CDK5RAP2: variants seen among roughly 807,000 people sequenced by gnomAD.
CDK5RAP2 encodes CDK5 regulatory subunit-associated protein 2.
In CDK5RAP2, 147 loss-of-function variants were observed where a neutral mutation model predicts 232.9. The ratio of observed to expected loss-of-function variants is 0.63; its 90% confidence interval spans 0.55 to 0.72. The LOEUF is 0.72. Among genes scored for constraint, CDK5RAP2 ranks in the 30% least tolerant of loss-of-function variants. The pLI, the probability that CDK5RAP2 is intolerant of heterozygous loss-of-function variation, is 0.00. For missense variants in CDK5RAP2, 2,195 were observed against 2,231.5 expected, an observed-to-expected ratio of 0.98 and a Z score of 0.33; for synonymous variants, 833 against 833.7, an observed-to-expected ratio of 1.00 and a Z score of 0.01.
intron 24 of CDK5RAP2, among the ~76,000 whole-genome samples, chr9:120,438,994 T>C (rs2035740895): frequency 6.6e-6 from 1 of 152,184 alleles, no homozygotes; most frequent in South Asian, 2.1e-4. Context: ...TCCTCCTACC[T>C]TGCCTAGACA....
chr9:120,424,555 C>A (rs1373979695), intron 25 of CDK5RAP2, among the ~76,000 whole-genome samples: 1 of 152,176 alleles, frequency 6.6e-6, no homozygotes, highest in African/African-American at 2.4e-5. Context: ...GGGCTGCTTA[C>A]CAACATTCAG....
intron 3 of CDK5RAP2, among the ~76,000 whole-genome samples, chr9:120,558,841 A>G (rs1296838475): frequency 6.6e-6 from 1 of 152,212 alleles, no homozygotes; most frequent in Non-Finnish European, 1.5e-5. Flanking sequence ...CTTTCTTGCT[A>G]GAATTTTTCA....
intron 12 of CDK5RAP2, among the ~76,000 whole-genome samples, chr9:120,492,357 C>G (rs1227490023): frequency 6.6e-6 from 1 of 151,964 alleles, no homozygotes; most frequent in Non-Finnish European, 1.5e-5. Flanking sequence ...CAGCAGAGAC[C>G]CAAGAGAAAT....
rs1298171244 is a variant in CDK5RAP2 at position 120,403,364 on chromosome 9, A to G, written c.5042-293T>C. On this transcript the variant is annotated intron_variant, in intron 33 of 37. Coordinates refer to ENST00000349780, the MANE Select transcript of CDK5RAP2 (RefSeq NM_018249.6). The surrounding 1 kb of genome is among the most constrained non-coding windows in gnomAD (Gnocchi z 4.2). ...AAGGATGACTCAAGCTGGTGCCTGC[A>G]TTCCAGTAGCCCACAGTCTGATCAG... The G allele has an allele frequency of 2.3e-6, 1 of 441,310 alleles. No individual in the cohort carries two copies. Among genetic ancestry groups the G allele is most frequent in the Non-Finnish European group, 4.2e-6 (1 of 238,330 alleles). The allele number at this position is 441,310 out of a possible 1,614,324, so 27.3% of individuals were successfully genotyped here. A position where few individuals can be genotyped will look rare whatever the true frequency, so the allele number is the denominator to read the frequency against.
At chr9:120,481,266 C>A (rs1164040421) in intron 14 of CDK5RAP2, among the ~76,000 whole-genome samples, 1 of 152,150 alleles carries the variant, frequency 6.6e-6, no homozygotes, top group Non-Finnish European at 1.5e-5. Context: ...CCATCACTGC[C>A]CCATAATAGA....
intron 3 of CDK5RAP2, among the ~76,000 whole-genome samples, chr9:120,562,083 A>G (rs2042482348): frequency 6.6e-6 from 1 of 152,220 alleles, no homozygotes; most frequent in African/African-American, 2.4e-5. Flanking sequence ...TATAAAATAT[A>G]ATTTCCCTTC....
At chr9:120,475,390 A>G (rs2037949804) in intron 15 of CDK5RAP2, among the ~76,000 whole-genome samples, 1 of 152,168 alleles carries the variant, frequency 6.6e-6, no homozygotes, top group African/African-American at 2.4e-5. Context: ...TTCATTCATT[A>G]AGAAAGAGCC....
At chr9:120,571,884 C>T (rs1456516270) in intron 2 of CDK5RAP2, 90 bp downstream of exon 2, 1 of 1,040,986 alleles carries the variant, frequency 9.6e-7, no homozygotes, top group East Asian at 2.4e-5. Context: ...GCCTCTGGGC[C>T]CCAGAGATAT....
At position 120,579,942 on chromosome 9, in the gene CDK5RAP2, G is replaced by T. The variant is rs1442521855; in HGVS notation, c.37C>A (p.Pro13Thr). Residue 13 changes from proline (P) to threonine (T), a missense_variant, in exon 1 of 38, where the codon CCT becomes ACT. By Grantham distance (38) the Pro-to-Thr change is conservative. Coordinates refer to ENST00000349780, the MANE Select transcript of CDK5RAP2 (RefSeq NM_018249.6). ...CACCTGCAGCCGCTGAGCGTCCCAG[G>T]GACGGTGACGTCCTCTTCCAACACC... is the stretch of plus-strand genomic sequence containing the variant. ...DLVLEEDVTVPGTLSGCSGLV... is the reference protein window; with the variant it reads ...DLVLEEDVTVTGTLSGCSGLV... 1.2e-6 allele frequency: 2 copies of T among 1,613,450 alleles called. No individual in the cohort carries two copies.
chr9:120,402,995 A>G lies in CDK5RAP2; in HGVS notation c.5118T>C (p.Thr1706=). The G allele has an allele frequency of 1.2e-6, 2 of 1,614,174 alleles. No individual in the cohort carries two copies. Among genetic ancestry groups the G allele is most frequent in the Non-Finnish European group, 1.7e-6 (2 of 1,180,020 alleles). The change falls in exon 34 of 38, where the codon ACT becomes ACC. Residue 1706 remains threonine (T), a synonymous_variant. Transcript: ENST00000349780. ...SCDSGSSATS[T]PCVSRLVTGH... ...CAGTGACCAGGCGGGACACACACGG[A>G]GTGCTAGTTGCCGAACTGCCACTGT... is the stretch of plus-strand genomic sequence containing the variant.
chr9:120,455,214 A>C (rs2131416050), intron 20 of CDK5RAP2, among the ~76,000 whole-genome samples: 1 of 152,294 alleles, frequency 6.6e-6, no homozygotes, highest in East Asian at 1.9e-4. Context: ...GGAGAACAAC[A>C]GCGGAGGGCT....
At chr9:120,490,086 C>T (rs1469270976) in intron 13 of CDK5RAP2, among the ~76,000 whole-genome samples, 1 of 152,182 alleles carries the variant, frequency 6.6e-6, no homozygotes, top group East Asian at 1.9e-4. Context: ...GAATTTCAGG[C>T]GTGAGCCACC....
chr9:120,542,432 G>A (rs886547032), intron 5 of CDK5RAP2, among the ~76,000 whole-genome samples: 1 of 150,888 alleles, frequency 6.6e-6, no homozygotes, highest in Admixed American at 6.6e-5. Flanking sequence ...TTGAACCCGG[G>A]TTGTACTGAG....
At chr9:120,440,824 A>G (rs1259080776) in intron 23 of CDK5RAP2, among the ~76,000 whole-genome samples, 1 of 152,206 alleles carries the variant, frequency 6.6e-6, no homozygotes, top group Non-Finnish European at 1.5e-5. Flanking sequence ...GCAACAGTAA[A>G]GAGTGGTAAT....
intron 7 of CDK5RAP2, among the ~76,000 whole-genome samples, chr9:120,534,167 G>GTCCA (rs1271822890): frequency 1.3e-5 from 2 of 151,868 alleles, no homozygotes; most frequent in Non-Finnish European, 2.9e-5. Context: ...CTTCAATAAG[G>GTCCA]TCCATGTCAC....
At chr9:120,556,771 A>G (rs905358393) in intron 3 of CDK5RAP2, among the ~76,000 whole-genome samples, 1 of 152,194 alleles carries the variant, frequency 6.6e-6, no homozygotes, top group East Asian at 1.9e-4. Context: ...AACGATAAGC[A>G]TATTTCACAT....
At position 120,518,553 on chromosome 9, in the gene CDK5RAP2, G is replaced by T. The variant is rs1346323543; in HGVS notation, c.1185C>A (p.His395Gln). ...SQNLTKSTENHRLRRSIKKIT... is the reference protein window; with the variant it reads ...SQNLTKSTENQRLRRSIKKIT... ...TCTTCTTAATGCTTCTACGCAGTCT[G>T]TGGTTCTCTGTACTCTTGGTGAGGT... Residue 395 changes from histidine to glutamine, a missense_variant, in exon 12 of 38, where the codon CAC becomes CAA. His to Gln is a conservative substitution (Grantham distance 24). Coordinates refer to ENST00000349780, the MANE Select transcript of CDK5RAP2 (RefSeq NM_018249.6). The T allele has an allele frequency of 1.2e-5, 20 of 1,613,600 alleles. No individual in the cohort carries two copies. The highest frequency in any genetic ancestry group is 1.5e-5 in the Non-Finnish European group (18 of 1,179,988).
intron 8 of CDK5RAP2, 68 bp from the exon 9 acceptor site, chr9:120,528,865 A>G (rs1363852687): frequency 9.2e-7 from 1 of 1,090,534 alleles, no homozygotes; most frequent in Non-Finnish European, 1.4e-6. Flanking sequence ...GAACAATTAG[A>G]ATGAGCACGT....
chr9:120,509,888 T>C lies in CDK5RAP2; in HGVS notation c.1311+8539A>G, dbSNP rs117998665. 1.1e-3 allele frequency among the ~76,000 whole-genome samples: 166 copies of C among 152,274 alleles called. 1 individual carries two copies. The East Asian group carries it at 0.023, about 21-fold the overall frequency. On this transcript the variant is annotated intron_variant, in intron 12 of 37. Coordinates refer to ENST00000349780, the MANE Select transcript of CDK5RAP2 (RefSeq NM_018249.6). Reference sequence around the variant, plus strand: ...TTCTGGCTTCAGGCTTCTTCCAACATAGGTCATTTAAACTGCACATTATTC... The same window carrying C: ...TTCTGGCTTCAGGCTTCTTCCAACACAGGTCATTTAAACTGCACATTATTC...
Sources: gnomAD v4.1 joint callset for allele counts (sites outside exome capture counted in the v4.1 genomes callset) on GRCh38, gnomAD v4.1.1 for gene constraint, Gnocchi (gnomAD v3.1) non-coding constraint, MANE v1.5 for transcripts, NCBI Gene and HGNC (gene_info 2026-07-23, HGNC 2026-07-21) for gene names.